The following RPL37A variants were observed in gnomAD, a reference collection of about 807,000 sequenced individuals.
RPL37A encodes the protein large ribosomal subunit protein eL43.
RPL37A carries 5 observed loss-of-function variants against 13.6 expected under a neutral mutation model. The ratio of observed to expected loss-of-function variants is 0.37; its 90% CI spans 0.19 to 0.78. The LOEUF is 0.78. Among genes scored for constraint, RPL37A ranks in the 30% least tolerant of loss-of-function variants. The pLI, the probability that RPL37A is intolerant of heterozygous loss-of-function variation, is 0.49. For missense variants in RPL37A, 77 were observed against 120.0 expected, an observed-to-expected ratio of 0.64 and a Z score of 1.67; for synonymous variants, 50 against 44.4, an observed-to-expected ratio of 1.13 and a Z score of -0.50.
rs1695616964 is a variant in RPL37A at position 216,502,460 on chromosome 2, C to T, written c.*1056C>T. 3.3e-5 allele frequency: 5 copies of T among 152,350 alleles called. No homozygotes were observed. The highest frequency in any genetic ancestry group is 3.9e-4 in the East Asian group (2 of 5,188). The allele number at this position is 152,350 out of a possible 1,614,324, so 9.4% of individuals were successfully genotyped here. A position where few individuals can be genotyped will look rare whatever the true frequency, so the allele number is the denominator to read the frequency against. On this transcript the variant is annotated 3_prime_UTR_variant, in exon 4 of 4. Transcript: ENST00000491306. ...CTAATTTCACATTAAATGTTGCAAA[C>T]GTCTGCAATTCTCCAGTTTTTAGTT...
chr2:216,499,740 C>T (rs1695565923), intron 2 of RPL37A: 2 of 700,402 alleles, frequency 2.9e-6, no homozygotes, highest in East Asian at 5.4e-5. Flanking sequence ...TAATACCATT[C>T]TACTTGTTCT....
Position 216,501,227 on chromosome 2 carries a change from T to G in RPL37A, c.216-114T>G. 7.9e-6 allele frequency: 6 copies of G among 759,158 alleles called. No individual in the cohort carries two copies. In the East Asian group the frequency reaches 1.3e-4, roughly 16 times the overall value. 47.0% of individuals were successfully genotyped at this position (759,158 alleles called of 1,614,324 possible). On this transcript the variant is annotated intron_variant, in intron 3 of 3. Coordinates refer to ENST00000491306, the MANE Select transcript of RPL37A (RefSeq NM_000998.5). ...AGAGCAGTCTATCTCAGTATAATTC[T>G]TTCTAGGAAAATTTGGGAAGCGACT...
At chr2:216,500,376 G>A (rs1049850105) in intron 3 of RPL37A, 1 of 322,256 alleles carries the variant, frequency 3.1e-6, no homozygotes, top group Admixed American at 4.8e-5. Context: ...AATAGGTGAA[G>A]GGGTCAGTTA....
At position 216,502,874 on chromosome 2, in the gene RPL37A, C is replaced by T. The variant is rs886881098; in HGVS notation, c.*1470C>T. 3.3e-5 allele frequency: 5 copies of T among 152,194 alleles called. No homozygotes were observed. The highest frequency in any genetic ancestry group is 7.2e-5 in the African/African-American group (3 of 41,436). 9.4% of individuals were successfully genotyped at this position (152,194 alleles called of 1,614,324 possible). A position where few individuals can be genotyped will look rare whatever the true frequency, so the allele number is the denominator to read the frequency against. ...CCTTCACCTGTACCTCCTGCATTGCCTCTGGCAGAAACATCGCTACCCCAG... is the reference window on the plus strand; with the variant it reads ...CCTTCACCTGTACCTCCTGCATTGCTTCTGGCAGAAACATCGCTACCCCAG... On this transcript the variant is annotated 3_prime_UTR_variant, in exon 4 of 4. Transcript: ENST00000491306.
intron 1 of RPL37A, 23 bp downstream of exon 1, chr2:216,498,900 C>T: frequency 6.2e-6 from 10 of 1,613,964 alleles, no homozygotes; most frequent in Non-Finnish European, 8.5e-6. Context: ...CTCTGTGCGG[C>T]CTAGAACTCT....
intron 1 of RPL37A, 179 bp downstream of exon 1, chr2:216,499,056 G>T: frequency 1.7e-6 from 2 of 1,169,268 alleles, no homozygotes; most frequent in Non-Finnish European, 2.4e-6. Flanking sequence ...GCCTTGGCTG[G>T]GCCTGGCGCG....
At chr2:216,500,105 G>A in intron 3 of RPL37A, 74 bp downstream of exon 3, 1 of 1,171,008 alleles carries the variant, frequency 8.5e-7, no homozygotes, top group South Asian at 1.2e-5. Context: ...CTGCTGGATG[G>A]GCTAGTTTTA....
Position 216,501,521 on chromosome 2 carries a change from A to G in RPL37A, c.*117A>G. On this transcript the variant is annotated 3_prime_UTR_variant, in exon 4 of 4. Transcript: ENST00000491306. ...ATTCTGATGTTTGCATTGTGTAAAT[A>G]CTGTTGTATTGGAAAAGCATGCCAA... is the stretch of plus-strand genomic sequence containing the variant. 1.5e-6 allele frequency: 1 copy of G among 651,050 alleles called. No individual in the cohort carries two copies. Among genetic ancestry groups the G allele is most frequent in the South Asian group, 2.0e-5 (1 of 50,402 alleles). The allele number at this position is 651,050 out of a possible 1,614,324, so 40.3% of individuals were successfully genotyped here. A position where few individuals can be genotyped will look rare whatever the true frequency, so the allele number is the denominator to read the frequency against.
rs774054862 is a variant in RPL37A, at chr2:216,499,361, G to A, written c.95G>A (p.Ser32Asn). Reference sequence around the variant, plus strand: ...AAAATGGTGAAGAAAATTGAAATCAGCCAGCACGCCAAGTACACTTGCTCT... The same window carrying A: ...AAAATGGTGAAGAAAATTGAAATCAACCAGCACGCCAAGTACACTTGCTCT... ...LRKMVKKIEI[S>N]QHAKYTCSFC... The change falls in exon 2 of 4, where the codon AGC becomes AAC. Residue 32 changes from serine to asparagine, a missense_variant. By Grantham distance (46) the Ser-to-Asn change is conservative. Coordinates refer to ENST00000491306, the MANE Select transcript of RPL37A (RefSeq NM_000998.5). 1.2e-6 allele frequency: 2 copies of A among 1,614,184 alleles called. No homozygotes were observed. Among genetic ancestry groups the A allele is most frequent in the Non-Finnish European group, 1.7e-6 (2 of 1,180,034 alleles).
Position 216,501,358 on chromosome 2 carries a change from C to T in RPL37A, c.233C>T (p.Thr78Met), listed in dbSNP as rs750291665. The T allele has an allele frequency of 1.2e-6, 2 of 1,612,544 alleles. No homozygotes were observed. The highest frequency in any genetic ancestry group is 1.7e-6 in the Non-Finnish European group (2 of 1,179,490). The change falls in exon 4 of 4, where the codon ACG (threonine) becomes ATG (methionine). Residue 78 changes from threonine to methionine, a missense_variant. Physicochemically the swap from Thr to Met is moderately conservative, Grantham distance 81. Transcript: ENST00000491306. ...AWTYNTTSAV[T>M]VKSAIRRLKE... ...CTTTCCAGTACCACTTCCGCTGTCA[C>T]GGTAAAGTCCGCCATCAGAAGACTG...
At position 216,503,865 on chromosome 2, in the gene RPL37A, C is replaced by T. The variant is rs532694233; in HGVS notation, c.*2461C>T. 2 of 152,298 alleles carry T rather than the reference C, an allele frequency of 1.3e-5. No individual in the cohort carries two copies. Among genetic ancestry groups the T allele is most frequent in the East Asian group, 3.9e-4 (2 of 5,188 alleles). The allele number at this position is 152,298 out of a possible 1,614,324, so 9.4% of individuals were successfully genotyped here. A position where few individuals can be genotyped will look rare whatever the true frequency, so the allele number is the denominator to read the frequency against. ...GGGCTGAAGATTAGATTTCTGGCTC[C>T]TATCTGTGATTTTCTGCTGTACCAG... On this transcript the variant is annotated 3_prime_UTR_variant, in exon 4 of 4. Coordinates refer to ENST00000491306, the MANE Select transcript of RPL37A (RefSeq NM_000998.5).
Position 216,501,338 on chromosome 2 carries a change from C to T in RPL37A, c.216-3C>T, listed in dbSNP as rs116225210. The T allele has an allele frequency of 2.0e-4, 329 of 1,611,836 alleles. No individual in the cohort carries two copies. In the African/African-American group the frequency reaches 3.9e-3, roughly 19 times the overall value. On this transcript the variant is annotated splice_region_variant and splice_polypyrimidine_tract_variant and intron_variant, in intron 3 of 3. Transcript: ENST00000491306. ...ATGTTGGAAACTGAATCTTTCTTTC[C>T]AGTACCACTTCCGCTGTCACGGTAA...
At chr2:216,499,658 C>G (rs1364823276) in intron 2 of RPL37A, 3 of 629,704 alleles carry the variant, frequency 4.8e-6, no homozygotes, top group Non-Finnish European at 8.4e-6. Flanking sequence ...GCCAAACCTG[C>G]TTTGTGGGAA....
In RPL37A at chr2:216,499,311, G is replaced by A. The variant is rs1212910801; in HGVS notation, c.45G>A (p.Gly15=). ...TKKVGIVGKY[G]TRYGASLRKM... is the part of the protein sequence containing the mutation. ...AAGTCGGGATCGTCGGTAAATACGG[G>A]ACCCGCTATGGGGCCTCCCTCCGGA... is the stretch of plus-strand genomic sequence containing the variant. The change falls in exon 2 of 4, where the codon GGG becomes GGA. Residue 15 remains glycine (G), a synonymous_variant. Coordinates refer to ENST00000491306, the MANE Select transcript of RPL37A (RefSeq NM_000998.5). 2 of 1,613,760 alleles carry A rather than the reference G, an allele frequency of 1.2e-6. No homozygotes were observed. Among genetic ancestry groups the A allele is most frequent in the African/African-American group, 2.7e-5 (2 of 74,924 alleles).
At position 216,503,152 on chromosome 2, in the gene RPL37A, A is replaced by C. The variant is rs1034891979; in HGVS notation, c.*1748A>C. The stretch of plus-strand genomic sequence containing the variant: ...TGAGTGACCAGGATTTCATGTAAGC[A>C]TAGGGAATTGAATGAGCATTAGATG... On this transcript the variant is annotated 3_prime_UTR_variant, in exon 4 of 4. Transcript: ENST00000491306. The C allele has an allele frequency of 3.3e-5, 5 of 152,196 alleles. No homozygotes were observed. The highest frequency in any genetic ancestry group is 1.2e-4 in the African/African-American group (5 of 41,448). 9.4% of individuals were successfully genotyped at this position (152,196 alleles called of 1,614,324 possible). A position where few individuals can be genotyped will look rare whatever the true frequency, so the allele number is the denominator to read the frequency against.
chr2:216,499,786 T>C, intron 2 of RPL37A, 163 bp from the exon 3 acceptor site: 1 of 732,560 alleles, frequency 1.4e-6, no homozygotes, highest in Non-Finnish European at 2.4e-6. Context: ...TTTGAACGTT[T>C]ATGTGCAAAA....
chr2:216,502,322 C>T lies in RPL37A; in HGVS notation c.*918C>T, dbSNP rs1258791858. 6.6e-6 allele frequency: 1 copy of T among 151,784 alleles called. No individual in the cohort carries two copies. The highest frequency in any genetic ancestry group is 1.5e-5 in the Non-Finnish European group (1 of 67,956). The allele number at this position is 151,784 out of a possible 1,614,324, so 9.4% of individuals were successfully genotyped here. A position where few individuals can be genotyped will look rare whatever the true frequency, so the allele number is the denominator to read the frequency against. ...ATTTAGCCAGGACAACACTCTGTCT[C>T]CAAAAAAAAGTTTCTGAAGGTAAAA... On this transcript the variant is annotated 3_prime_UTR_variant, in exon 4 of 4. Coordinates refer to ENST00000491306, the MANE Select transcript of RPL37A (RefSeq NM_000998.5).
In RPL37A at chr2:216,499,609, TGGG is replaced by T. The variant is rs1197656711; in HGVS notation, c.132+212_132+214del. 2.0e-5 allele frequency: 13 copies of T among 660,536 alleles called. No homozygotes were observed. The African/African-American group carries it at 2.2e-4, about 11-fold the overall frequency. The allele number at this position is 660,536 out of a possible 1,614,324, so 40.9% of individuals were successfully genotyped here. On this transcript the variant is annotated intron_variant, in intron 2 of 3. Transcript: ENST00000491306. ...TTAAAGAAAACCGCTTAAACGTTAA[TGGG>T]TAAAATAATCATTTGACAGAGTGCC... is the stretch of plus-strand genomic sequence containing the variant.
At chr2:216,498,975 T>G (rs940877531) in intron 1 of RPL37A, 98 bp downstream of exon 1, 1 of 1,517,906 alleles carries the variant, frequency 6.6e-7, no homozygotes, top group African/African-American at 1.4e-5. Flanking sequence ...TTACCCCGTG[T>G]TCTCTCCTGT....
Sources: allele counts gnomAD v4.1 joint callset, GRCh38; gene constraint gnomAD v4.1.1; transcripts MANE v1.5; gene names NCBI Gene and HGNC (gene_info 2026-07-23, HGNC 2026-07-21).